MGAT4C: variants seen among roughly 807,000 people sequenced by gnomAD.
The protein encoded by MGAT4C is alpha-1,3-mannosyl-glycoprotein 4-beta-N-acetylglucosaminyltransferase C.
In MGAT4C, 19 loss-of-function variants were observed where a neutral mutation model predicts 40.1. The ratio of observed to expected loss-of-function variants is 0.47; its 90% CI spans 0.33 to 0.70. MGAT4C has a LOEUF of 0.70. MGAT4C is among the 30% of genes least tolerant of loss of function. MGAT4C has a pLI of 0.02. For synonymous variants in MGAT4C, 181 were observed against 187.1 expected, an observed-to-expected ratio of 0.97 and a Z score of 0.27; for missense variants, 491 against 563.2, an observed-to-expected ratio of 0.87 and a Z score of 1.30.
At chr12:86,525,132 CAT>C (rs1346885364) in intron 2 of MGAT4C, among the ~76,000 whole-genome samples, 1 of 152,192 alleles carries the variant, frequency 6.6e-6, no homozygotes. Context: ...GTAATCTCCA[CAT>C]GTCAGAGGAG....
chr12:86,810,709 T>C (rs934012270), intron 1 of MGAT4C, among the ~76,000 whole-genome samples: 5 of 151,964 alleles, frequency 3.3e-5, no homozygotes, highest in Non-Finnish European at 7.4e-5. Context: ...TATTTTCATA[T>C]ATATTGTAGT....
At chr12:86,776,565 G>C (rs186637534) in intron 1 of MGAT4C, among the ~76,000 whole-genome samples, 16 of 152,114 alleles carry the variant, frequency 1.1e-4, no homozygotes, top group Non-Finnish European at 1.3e-4. Context: ...TGATCATTTA[G>C]AGCAATGTCT....
intron 2 of MGAT4C, among the ~76,000 whole-genome samples, chr12:86,013,397 ACGCC>A (rs1261976258): frequency 1.3e-5 from 2 of 152,098 alleles, no homozygotes; most frequent in African/African-American, 4.8e-5. Flanking sequence ...GCCTGCCACC[ACGCC>A]CGGCTAATTT....
At chr12:86,330,968 G>A (rs1221227884) in intron 4 of MGAT4C, among the ~76,000 whole-genome samples, 1 of 152,128 alleles carries the variant, frequency 6.6e-6, no homozygotes, top group African/African-American at 2.4e-5. Context: ...GTATATATAT[G>A]TTAGCAGTGG....
chr12:86,105,682 A>G (rs1358491263), intron 1 of MGAT4C, among the ~76,000 whole-genome samples: 3 of 152,284 alleles, frequency 2.0e-5, no homozygotes, highest in Middle Eastern at 3.4e-3. Flanking sequence ...TCATGCTTTT[A>G]TCTTCCATGT....
intron 3 of MGAT4C, among the ~76,000 whole-genome samples, chr12:86,367,590 G>A (rs1955624145): frequency 6.6e-6 from 1 of 152,136 alleles, no homozygotes; most frequent in African/African-American, 2.4e-5. Flanking sequence ...ACAAGGTCAG[G>A]AGATGGAGAC....
intron 1 of MGAT4C, among the ~76,000 whole-genome samples, chr12:86,732,901 C>T (rs116023493): frequency 6.6e-6 from 1 of 150,676 alleles, no homozygotes; most frequent in Non-Finnish European, 1.5e-5. Context: ...CTCCCAGTAA[C>T]AGTCATCAAA....
At chr12:86,112,322 C>CT (rs538824020) in intron 1 of MGAT4C, among the ~76,000 whole-genome samples, 112 of 151,212 alleles carry the variant, frequency 7.4e-4, no homozygotes, top group South Asian at 7.3e-3. Context: ...CCCCCCCACC[C>CT]TTTTTTTTGT....
At chr12:86,225,412 G>T (rs1951037072) in intron 1 of MGAT4C, among the ~76,000 whole-genome samples, 1 of 152,002 alleles carries the variant, frequency 6.6e-6, no homozygotes, top group African/African-American at 2.4e-5. Context: ...TCAAAAAATT[G>T]AAAGAGAAGG....
chr12:86,038,808 T>C (rs1891505738), intron 2 of MGAT4C, among the ~76,000 whole-genome samples: 1 of 149,982 alleles, frequency 6.7e-6, no homozygotes, highest in Admixed American at 6.7e-5. Context: ...CGTTAGTTGA[T>C]ACAGTTTCTT....
intron 1 of MGAT4C, among the ~76,000 whole-genome samples, chr12:86,132,793 A>T (rs1430295099): frequency 3.4e-4 from 3 of 8,884 alleles, no homozygotes; most frequent in African/African-American, 2.5e-3. Flanking sequence ...CTCCGTCTCA[A>T]AAAAAAAAAA....
intron 4 of MGAT4C, among the ~76,000 whole-genome samples, chr12:86,270,034 C>G (rs1952902625): frequency 6.6e-6 from 1 of 151,896 alleles, no homozygotes; most frequent in Non-Finnish European, 1.5e-5. Context: ...CGTAGTGGAT[C>G]TCTGTTTTTG....
intron 1 of MGAT4C, among the ~76,000 whole-genome samples, chr12:86,252,369 T>G (rs1952330988): frequency 6.6e-6 from 1 of 152,068 alleles, no homozygotes; most frequent in African/African-American, 2.4e-5. Context: ...TAACTTTTGT[T>G]GTACAATTTA....
Position 85,989,448 on chromosome 12 carries a change from G to T in MGAT4C, c.99C>A (p.Val33=). The part of the protein sequence containing the change: ...RSTVSFLGVL[V]IFLLFMNLYI... Reference sequence around the variant, plus strand: ...ACAAGTTCATAAAAAGGAGAAAAATGACAAGAACTCCCAAGAATGACACTG... The same window carrying T: ...ACAAGTTCATAAAAAGGAGAAAAATTACAAGAACTCCCAAGAATGACACTG... The change falls in exon 3 of 5, where the codon GTC becomes GTA. Residue 33 remains valine, a synonymous_variant. Transcript: ENST00000611864. The T allele has an allele frequency of 6.2e-7, 1 of 1,607,834 alleles. No individual in the cohort carries two copies. Among genetic ancestry groups the T allele is most frequent in the Non-Finnish European group, 8.5e-7 (1 of 1,176,868 alleles).
chr12:86,766,143 C>A (rs1235563418), intron 1 of MGAT4C, among the ~76,000 whole-genome samples: 1 of 152,008 alleles, frequency 6.6e-6, no homozygotes. Context: ...CAGAGACACA[C>A]ATAGGCTCAA....
At chr12:86,635,293 T>C (rs1963184645) in intron 2 of MGAT4C, among the ~76,000 whole-genome samples, 1 of 152,060 alleles carries the variant, frequency 6.6e-6, no homozygotes, top group African/African-American at 2.4e-5. Flanking sequence ...GATTCTTTGG[T>C]TGCTGGGGTA....
At chr12:86,313,012 C>T (rs897918676) in intron 4 of MGAT4C, among the ~76,000 whole-genome samples, 7 of 152,012 alleles carry the variant, frequency 4.6e-5, no homozygotes, top group African/African-American at 1.7e-4. Context: ...TTTTAGTGTG[C>T]ATAAAATGGA....
chr12:86,486,994 A>C (rs1958030809), intron 2 of MGAT4C, among the ~76,000 whole-genome samples: 1 of 152,190 alleles, frequency 6.6e-6, no homozygotes, highest in Non-Finnish European at 1.5e-5. Flanking sequence ...GGAAAGACTG[A>C]TATCAATTGA....
chr12:86,542,384 G>C (rs1247097642), intron 2 of MGAT4C, among the ~76,000 whole-genome samples: 1 of 152,150 alleles, frequency 6.6e-6, no homozygotes, highest in African/African-American at 2.4e-5. Flanking sequence ...TACAGAATCT[G>C]TTACTCAACC....
Sources: allele counts gnomAD v4.1 joint callset (sites outside exome capture counted in the v4.1 genomes callset), GRCh38; gene constraint gnomAD v4.1.1; transcripts MANE v1.5; gene names NCBI Gene and HGNC (gene_info 2026-07-23, HGNC 2026-07-21).